Variants in NDUFAF6 observed in about 807,000 individuals in gnomAD.
NDUFAF6 encodes the protein NADH dehydrogenase (ubiquinone) complex I, assembly factor 6.
Under a neutral mutation model 40.8 loss-of-function variants are expected in NDUFAF6, and 45 were observed. The ratio of observed to expected loss-of-function variants is 1.10; its 90% CI spans 0.87 to 1.42. The LOEUF is 1.42. Among genes scored for constraint, NDUFAF6 ranks in the 40% most tolerant of loss-of-function variants. The probability of loss-of-function intolerance (pLI) is 0.00; values close to 1 mark genes in which losing one functional copy is unlikely to be tolerated. For synonymous variants in NDUFAF6, 185 were observed against 155.9 expected, an observed-to-expected ratio of 1.19 and a Z score of -1.39; for missense variants, 435 against 418.5, an observed-to-expected ratio of 1.04 and a Z score of -0.34.
At chr8:94,944,559 T>C (rs1414145953) in intron 1 of NDUFAF6, among the ~76,000 whole-genome samples, 3 of 152,160 alleles carry the variant, frequency 2.0e-5, no homozygotes, top group Non-Finnish European at 4.4e-5. Context: ...ATGTCCCATA[T>C]CTCTGCAAGG....
At chr8:94,997,289 GACACACACACACACACACACAC>G (rs57953301) in intron 2 of NDUFAF6, among the ~76,000 whole-genome samples, 41 of 94,706 alleles carry the variant, frequency 4.3e-4, no homozygotes, top group African/African-American at 1.1e-3. Context: ...CAAGAAGAAA[GACACACACACACACACACACAC>G]ACACACACAC....
chr8:95,091,514 A>G (rs1219480017), intron 2 of NDUFAF6, among the ~76,000 whole-genome samples: 1 of 151,884 alleles, frequency 6.6e-6, no homozygotes, highest in Non-Finnish European at 1.5e-5. Context: ...TAACCATATC[A>G]CCCGCCATGG....
At chr8:95,007,028 G>T (rs2459966) in intron 2 of NDUFAF6, among the ~76,000 whole-genome samples, 138,684 of 151,726 alleles carry the variant, frequency 0.91, 63,752 homozygotes, top group East Asian at 1. Context: ...AATTTTCATT[G>T]CAAACATACA....
intron 2 of NDUFAF6, among the ~76,000 whole-genome samples, chr8:95,008,592 C>T (rs1050779792): frequency 1.6e-4 from 24 of 152,138 alleles, no homozygotes; most frequent in African/African-American, 7.2e-5. Flanking sequence ...CTGCAACCTC[C>T]GCCTCCTGGG....
intron 1 of NDUFAF6, among the ~76,000 whole-genome samples, chr8:94,922,479 ATT>A (rs34170290): frequency 0.026 from 3,550 of 135,536 alleles, 44 homozygotes; most frequent in African/African-American, 0.043. Context: ...AGAATCTGCA[ATT>A]TTTTTTTTTT....
upstream of NDUFAF6, among the ~76,000 whole-genome samples, chr8:95,098,079 G>A (rs1253453323): frequency 6.6e-6 from 1 of 152,126 alleles, no homozygotes; most frequent in Admixed American, 6.5e-5. Flanking sequence ...ATGTCTTGGT[G>A]GTGATGTTTT....
intron 1 of NDUFAF6, among the ~76,000 whole-genome samples, chr8:94,901,069 C>T (rs1817985008): frequency 6.6e-6 from 1 of 152,008 alleles, no homozygotes; most frequent in Admixed American, 6.6e-5. Flanking sequence ...TTAGGGAAGG[C>T]CTCCTGATGA....
chr8:95,102,760 G>T (rs1809689871), intron 2 of NDUFAF6, among the ~76,000 whole-genome samples: 1 of 152,196 alleles, frequency 6.6e-6, no homozygotes, highest in South Asian at 2.1e-4. Context: ...CATGCTCCCA[G>T]TGAACACACT....
intron 1 of NDUFAF6, among the ~76,000 whole-genome samples, chr8:94,915,377 A>G (rs1158294735): frequency 2.0e-5 from 3 of 152,156 alleles, no homozygotes; most frequent in Non-Finnish European, 4.4e-5. Context: ...AGCTGCATCC[A>G]TGTGGCTGCA....
At chr8:94,911,806 C>A (rs1033259252) in intron 1 of NDUFAF6, among the ~76,000 whole-genome samples, 1 of 152,116 alleles carries the variant, frequency 6.6e-6, no homozygotes, top group East Asian at 1.9e-4. Context: ...AGCTTTGGCA[C>A]GTTAGTGAGG....
chr8:95,102,912 T>G (rs1023493793), intron 2 of NDUFAF6: 5 of 152,196 alleles, frequency 3.3e-5, no homozygotes, highest in African/African-American at 1.2e-4. Flanking sequence ...AGGGTAAATA[T>G]GGAGCTGAGA....
intron 4 of NDUFAF6, among the ~76,000 whole-genome samples, chr8:95,111,403 A>C (rs1809995830): frequency 1.3e-5 from 2 of 152,228 alleles, no homozygotes; most frequent in South Asian, 2.1e-4. Flanking sequence ...CTTTAAATAC[A>C]CGTGTAATCT....
chr8:94,960,282 G>A (rs1563750000), intron 1 of NDUFAF6, among the ~76,000 whole-genome samples: 1 of 152,114 alleles, frequency 6.6e-6, no homozygotes, highest in Non-Finnish European at 1.5e-5. Flanking sequence ...TCTTGACATT[G>A]TGGTTTTCAC....
chr8:95,017,232 C>A (rs544879026), intron 2 of NDUFAF6, among the ~76,000 whole-genome samples: 1 of 151,830 alleles, frequency 6.6e-6, no homozygotes, highest in Admixed American at 6.6e-5. Flanking sequence ...TGAGCCACCA[C>A]GCCCCGCCCA....
intron 2 of NDUFAF6, among the ~76,000 whole-genome samples, chr8:94,952,024 G>T (rs182535101): frequency 1.6e-4 from 25 of 152,344 alleles, no homozygotes; most frequent in African/African-American, 5.5e-4. Flanking sequence ...TTCTTAGCGT[G>T]TTGCTATAGT....
chr8:94,942,343 T>C (rs958998185), intron 1 of NDUFAF6, among the ~76,000 whole-genome samples: 2 of 151,950 alleles, frequency 1.3e-5, no homozygotes, highest in African/African-American at 4.8e-5. Context: ...CCCGCATGCC[T>C]TTTGCTCCCT....
At chr8:95,099,953 G>C (rs1395558265), upstream of NDUFAF6, among the ~76,000 whole-genome samples, 13 of 152,186 alleles carry the variant, frequency 8.5e-5, no homozygotes, top group African/African-American at 2.7e-4. Flanking sequence ...CCCAGGCTTT[G>C]GGAGAACATG....
chr8:95,086,605 T>TTTC (rs1491137207), intron 2 of NDUFAF6, among the ~76,000 whole-genome samples: 6 of 17,108 alleles, frequency 3.5e-4, no homozygotes, highest in African/African-American at 1.8e-3. Context: ...TTTCTTTTCT[T>TTTC]TTTTTTTTTT....
At chr8:95,040,049 G>A (rs181690151) in intron 3 of NDUFAF6, among the ~76,000 whole-genome samples, 3 of 152,242 alleles carry the variant, frequency 2.0e-5, no homozygotes, top group South Asian at 2.1e-4. Flanking sequence ...TTCCCTTCCA[G>A]TATAGGATCT....
Sources: gnomAD v4.1 joint callset for allele counts (sites outside exome capture counted in the v4.1 genomes callset) on GRCh38, gnomAD v4.1.1 for gene constraint, MANE v1.5 for transcripts, NCBI Gene and HGNC (gene_info 2026-07-23, HGNC 2026-07-21) for gene names.